The following FERMT2 variants were observed in gnomAD, a reference collection of about 807,000 sequenced individuals.
FERMT2 encodes the protein fermitin family homolog 2.
FERMT2 carries 15 observed loss-of-function variants against 82.7 expected under a neutral mutation model. That is an observed-to-expected ratio of 0.18 (90% CI 0.12 to 0.28). The LOEUF (loss-of-function observed/expected upper bound fraction) is 0.28. Among genes scored for constraint, FERMT2 ranks in the 10% least tolerant of loss-of-function variants. The probability of loss-of-function intolerance (pLI) is 1.00; values close to 1 mark genes in which losing one functional copy is unlikely to be tolerated. For synonymous variants in FERMT2, 274 were observed against 271.5 expected (o/e 1.01, Z -0.09); for missense variants, 645 against 809.4 (o/e 0.80, Z 2.46).
At chr14:52,906,953 G>T (rs1019729567) in intron 3 of FERMT2, among the ~76,000 whole-genome samples, 71 of 146,216 alleles carry the variant, frequency 4.9e-4, no homozygotes, top group Non-Finnish European at 8.0e-4. Flanking sequence ...TATTGGGGGG[G>T]GGGGGGGAAT....
intron 3 of FERMT2, among the ~76,000 whole-genome samples, chr14:52,901,138 GGGCGTTGTGGCGGGCGCCT>G (rs1283550846): frequency 1.3e-5 from 2 of 150,070 alleles, no homozygotes; most frequent in Admixed American, 6.6e-5. Flanking sequence ...AAAATTAGCT[GGGCGTTGTGGCGGGCGCCT>G]GTAGTCCCAG....
At chr14:52,922,467 G>A (rs1202261057) in intron 2 of FERMT2, among the ~76,000 whole-genome samples, 1 of 109,614 alleles carries the variant, frequency 9.1e-6, no homozygotes, top group African/African-American at 3.2e-5. Flanking sequence ...AGCCTGAAAG[G>A]AATGTTTATT....
chr14:52,891,623 G>A (rs563505762), intron 4 of FERMT2, among the ~76,000 whole-genome samples: 26 of 152,216 alleles, frequency 1.7e-4, no homozygotes, highest in African/African-American at 6.0e-4. Context: ...ATAGTGGTGG[G>A]CACTGCACAG....
At chr14:52,906,427 A>C (rs1490056656) in intron 3 of FERMT2, among the ~76,000 whole-genome samples, 3 of 152,166 alleles carry the variant, frequency 2.0e-5, no homozygotes, top group Non-Finnish European at 4.4e-5. Context: ...AAAGCTTCAA[A>C]GCAAAAGAAT....
intron 2 of FERMT2, among the ~76,000 whole-genome samples, chr14:52,926,066 A>G (rs541502148): frequency 6.6e-6 from 1 of 152,202 alleles, no homozygotes; most frequent in African/African-American, 2.4e-5. Context: ...CACTATGTGC[A>G]GAACAGATTT....
chr14:52,882,195 C>T (rs1886339384), intron 4 of FERMT2, among the ~76,000 whole-genome samples: 1 of 152,042 alleles, frequency 6.6e-6, no homozygotes, highest in Non-Finnish European at 1.5e-5. Context: ...AGTGAATAAA[C>T]AGGTTTCAAC....
intron 13 of FERMT2, 134 bp from the exon 14 acceptor site, chr14:52,859,848 T>G (rs1026037987): frequency 3.5e-5 from 17 of 490,086 alleles, no homozygotes; most frequent in Non-Finnish European, 5.1e-5. Context: ...GACGGAGTCT[T>G]GCTCTGTTGC....
At position 52,858,149 on chromosome 14, in the gene FERMT2, A is replaced by G. The variant is rs1884681655; in HGVS notation, c.*228T>C. The G allele has an allele frequency of 2.1e-6, 1 of 470,016 alleles. No homozygotes were observed. The highest frequency in any genetic ancestry group is 3.4e-5 in the East Asian group (1 of 29,212). The allele number at this position is 470,016 out of a possible 1,614,324, so 29.1% of individuals were successfully genotyped here. A position where few individuals can be genotyped will look rare whatever the true frequency, so the allele number is the denominator to read the frequency against. ...GATTTGCCCACTATTTCAGTTTTCA[A>G]TTCATGGCCCTAAGGAATGTGTGAC... On this transcript the variant is annotated 3_prime_UTR_variant, in exon 15 of 15. Coordinates refer to ENST00000341590, the MANE Select transcript of FERMT2 (RefSeq NM_006832.3).
intron 4 of FERMT2, among the ~76,000 whole-genome samples, chr14:52,890,603 A>G (rs1274232977): frequency 8.8e-6 from 1 of 114,082 alleles, no homozygotes; most frequent in Non-Finnish European, 1.8e-5. Flanking sequence ...ATAATCTTTT[A>G]TCCTCTTTTT....
At chr14:52,918,058 T>C (rs562038699) in intron 3 of FERMT2, among the ~76,000 whole-genome samples, 1 of 152,346 alleles carries the variant, frequency 6.6e-6, no homozygotes, top group East Asian at 1.9e-4. Flanking sequence ...CATTTGAAAA[T>C]GTTGCAGCAT....
At chr14:52,916,106 G>A (rs920282522) in intron 3 of FERMT2, among the ~76,000 whole-genome samples, 2 of 152,154 alleles carry the variant, frequency 1.3e-5, no homozygotes, top group East Asian at 1.9e-4. Context: ...CACTTTGGGA[G>A]GCGGAGGTGG....
intron 4 of FERMT2, among the ~76,000 whole-genome samples, chr14:52,887,903 C>A (rs1309828235): frequency 4.6e-5 from 7 of 151,914 alleles, no homozygotes; most frequent in Admixed American, 4.6e-4. Flanking sequence ...CCACTTAACC[C>A]TTGTGGAGTT....
intron 4 of FERMT2, among the ~76,000 whole-genome samples, chr14:52,892,177 T>G (rs1365185569): frequency 9.4e-5 from 14 of 148,194 alleles, no homozygotes; most frequent in Middle Eastern, 3.5e-3. Context: ...TTTTTTTTTT[T>G]TTTTTTTTTT....
intron 3 of FERMT2, among the ~76,000 whole-genome samples, chr14:52,918,390 T>C (rs913099791): frequency 2.0e-5 from 3 of 152,224 alleles, no homozygotes; most frequent in Non-Finnish European, 2.9e-5. Flanking sequence ...TCTATATTCA[T>C]TGATTCTTTT....
intron 3 of FERMT2, among the ~76,000 whole-genome samples, chr14:52,899,107 G>A (rs1339005428): frequency 6.6e-6 from 1 of 152,026 alleles, no homozygotes; most frequent in African/African-American, 2.4e-5. Context: ...TTTTTTGTCT[G>A]TCTTAAGTAG....
At chr14:52,900,930 TA>T in intron 3 of FERMT2, among the ~76,000 whole-genome samples, 1 of 152,038 alleles carries the variant, frequency 6.6e-6, no homozygotes, top group Non-Finnish European at 1.5e-5. Flanking sequence ...GATGATGAGC[TA>T]AACTCCACCC....
intron 9 of FERMT2, among the ~76,000 whole-genome samples, chr14:52,873,141 G>A (rs909334684): frequency 6.6e-6 from 1 of 152,128 alleles, no homozygotes; most frequent in Non-Finnish European, 1.5e-5. Flanking sequence ...ACAGCGTTCC[G>A]AGGAGAAAGG....
intron 1 of FERMT2, 117 bp from the exon 2 acceptor site, chr14:52,950,694 G>C: frequency 9.7e-7 from 1 of 1,032,506 alleles, no homozygotes; most frequent in Non-Finnish European, 1.4e-6. Flanking sequence ...CGGGGCTTTC[G>C]GCAGAAACTC....
At chr14:52,885,787 A>T (rs868225408) in intron 4 of FERMT2, among the ~76,000 whole-genome samples, 3 of 152,174 alleles carry the variant, frequency 2.0e-5, no homozygotes, top group South Asian at 2.1e-4. Context: ...AATACATTTT[A>T]AAAAATTTTC....
Sources: allele counts gnomAD v4.1 joint callset (sites outside exome capture counted in the v4.1 genomes callset), GRCh38; gene constraint gnomAD v4.1.1; transcripts MANE v1.5; gene names NCBI Gene and HGNC (gene_info 2026-07-23, HGNC 2026-07-21).